USP3: variants seen among roughly 807,000 people sequenced by gnomAD.
The protein encoded by USP3 is ubiquitin carboxyl-terminal hydrolase 3.
Under a neutral mutation model 72.3 loss-of-function variants are expected in USP3, and 20 were observed. The ratio of observed to expected loss-of-function variants is 0.28; its 90% CI spans 0.19 to 0.40. USP3 has a LOEUF of 0.40. Among genes scored for constraint, USP3 ranks in the 10% least tolerant of loss-of-function variants. The probability of loss-of-function intolerance (pLI) is 1.00; values close to 1 mark genes in which losing one functional copy is unlikely to be tolerated. For missense variants in USP3, 479 were observed against 633.9 expected, an observed-to-expected ratio of 0.76 and a Z score of 2.62; for synonymous variants, 222 against 225.3, an observed-to-expected ratio of 0.99 and a Z score of 0.13.
Position 63,575,227 on chromosome 15 carries a change from TATTAAA to T in USP3, c.1096+831_1096+836del, listed in dbSNP as rs921459881. ...ATATGATAACCACGAGTCATGTAGCTATTAAAATTAAATTAATTAAAATTTAAAATT... is the reference window on the plus strand; with the variant it reads ...ATATGATAACCACGAGTCATGTAGCTATTAAATTAATTAAAATTTAAAATT... On this transcript the variant is annotated intron_variant, in intron 11 of 14. Transcript: ENST00000380324. Among the ~76,000 whole-genome samples the T allele has an allele frequency of 6.6e-5, 10 of 150,938 alleles. No individual in the cohort carries two copies. In the East Asian group the frequency reaches 1.8e-3, roughly 26 times the overall value.
At position 63,574,144 on chromosome 15, in the gene USP3, C is replaced by G; in HGVS notation, c.1007C>G (p.Pro336Arg). The G allele has an allele frequency of 6.3e-7, 1 of 1,586,604 alleles. No homozygotes were observed. The highest frequency in any genetic ancestry group is 8.6e-7 in the Non-Finnish European group (1 of 1,165,928). The change falls in exon 10 of 15, where the codon CCA (proline) becomes CGA (arginine). Residue 336 changes from proline to arginine, a missense_variant. By Grantham distance (103) the Pro-to-Arg change is moderately radical (BLOSUM62 -2). Transcript: ENST00000380324. The surrounding 1 kb of genome is among the most constrained non-coding windows in gnomAD (Gnocchi z 4.6). ...ICGTESRKFD[P>R]FLDLSLDIPS... Reference sequence around the variant, plus strand: ...GGGACAGAATCTAGAAAGTTTGATCCATTCCTAGGTAAGATATATGTGGCA... The same window carrying G: ...GGGACAGAATCTAGAAAGTTTGATCGATTCCTAGGTAAGATATATGTGGCA...
intron 5 of USP3, among the ~76,000 whole-genome samples, chr15:63,557,222 CA>C (rs2066526950): frequency 6.6e-6 from 1 of 152,116 alleles, no homozygotes. Flanking sequence ...AGGTGTACAC[CA>C]CCACGCCTGG....
intron 3 of USP3, among the ~76,000 whole-genome samples, chr15:63,546,348 A>G (rs1322963804): frequency 6.6e-6 from 1 of 152,214 alleles, no homozygotes; most frequent in African/African-American, 2.4e-5. Context: ...CATTTATTTC[A>G]AAGCAGGATA....
intron 1 of USP3, among the ~76,000 whole-genome samples, chr15:63,509,407 A>G (rs1435406348): frequency 6.6e-6 from 1 of 152,098 alleles, no homozygotes; most frequent in Non-Finnish European, 1.5e-5. Context: ...ACTAGCCCGC[A>G]CTCCCAGTAT....
rs2067248470 is a variant in USP3, at chr15:63,593,958, A to G, written c.*3132A>G. 1.3e-5 allele frequency: 2 copies of G among 152,246 alleles called. No individual in the cohort carries two copies. Among genetic ancestry groups the G allele is most frequent in the Non-Finnish European group, 2.9e-5 (2 of 68,056 alleles). 9.4% of individuals were successfully genotyped at this position (152,246 alleles called of 1,614,324 possible). A position where few individuals can be genotyped will look rare whatever the true frequency, so the allele number is the denominator to read the frequency against. On this transcript the variant is annotated 3_prime_UTR_variant, in exon 15 of 15. Coordinates refer to ENST00000380324, the MANE Select transcript of USP3 (RefSeq NM_006537.4). ...TTTGTGGCAACACAAATCTCTCTCC[A>G]TGGTGGAGAAACCTTTGCTTATCCA...
At chr15:63,560,378 T>C (rs1041601994) in intron 7 of USP3, among the ~76,000 whole-genome samples, 3 of 148,534 alleles carry the variant, frequency 2.0e-5, no homozygotes, top group Admixed American at 6.8e-5. Context: ...ATCGCGCCAC[T>C]GCCCTCCAGC....
Position 63,588,363 on chromosome 15 carries a change from C to T in USP3, c.1155C>T (p.Cys385=). 6.2e-7 allele frequency: 1 copy of T among 1,608,374 alleles called. No individual in the cohort carries two copies. The change falls in exon 12 of 15, where the codon TGC becomes TGT. Residue 385 remains cysteine (C), a synonymous_variant. Transcript: ENST00000380324. The surrounding 1 kb of genome is among the most constrained non-coding windows in gnomAD (Gnocchi z 4.6). The part of the protein sequence containing the change: ...EELDETELYM[C]HKCKKKQKST... ...TTGATGAGACAGAGTTATATATGTG[C>T]CATAAATGCAAAAAGAAACAAAAGT...
intron 3 of USP3, among the ~76,000 whole-genome samples, chr15:63,543,694 G>C (rs1015497861): frequency 6.6e-6 from 1 of 152,124 alleles, no homozygotes; most frequent in Non-Finnish European, 1.5e-5. Context: ...AGATAGTGAC[G>C]ATGATGTAAA....
At position 63,588,221 on chromosome 15, in the gene USP3, T is replaced by C; in HGVS notation, c.1097-84T>C. 9.2e-7 allele frequency: 1 copy of C among 1,084,540 alleles called. No individual in the cohort carries two copies. Among genetic ancestry groups the C allele is most frequent in the East Asian group, 2.5e-5 (1 of 40,492 alleles). The allele number at this position is 1,084,540 out of a possible 1,614,324, so 67.2% of individuals were successfully genotyped here. ...GGTCGTATAGCTAATAAAGCTGAGA[T>C]TTTAAACCTGGGTCTTTTTTCTACA... On this transcript the variant is annotated intron_variant, in intron 11 of 14. Coordinates refer to ENST00000380324, the MANE Select transcript of USP3 (RefSeq NM_006537.4). The surrounding 1 kb of genome is among the most constrained non-coding windows in gnomAD (Gnocchi z 4.6).
intron 6 of USP3, among the ~76,000 whole-genome samples, chr15:63,558,790 G>A (rs552574437): frequency 7.2e-5 from 11 of 152,254 alleles, no homozygotes; most frequent in East Asian, 3.9e-4. Context: ...CAGGAGAATC[G>A]CTTGAACCCA....
rs1344975433 is a variant in USP3 at position 63,529,820 on chromosome 15, T to C, written c.92-2827T>C. ...CAAAAATCCTCCATAATTAAAAAAA[T>C]ATCCTGGGTAGTTAAAAACTTGGGC... On this transcript the variant is annotated intron_variant, in intron 1 of 14. Transcript: ENST00000380324. This position sits in a 1 kb window ranked among gnomAD's most constrained non-coding sequence, Gnocchi z 4.2. 2.0e-5 allele frequency among the ~76,000 whole-genome samples: 3 copies of C among 152,168 alleles called. No individual in the cohort carries two copies. Among genetic ancestry groups the C allele is most frequent in the Non-Finnish European group, 4.4e-5 (3 of 68,024 alleles).
chr15:63,548,823 A>C (rs560472490), intron 3 of USP3, among the ~76,000 whole-genome samples: 1 of 152,192 alleles, frequency 6.6e-6, no homozygotes, highest in South Asian at 2.1e-4. Context: ...CCTCCTGAGT[A>C]GCTGGGATTA....
rs540005747 is a variant in USP3, at chr15:63,566,624, T to G, written c.761+3616T>G. ...CACCGTGCCTGGCCACGTGTGATAC[T>G]TTAATTAAAGTTTTATTTAACAATA... On this transcript the variant is annotated intron_variant, in intron 8 of 14. Transcript: ENST00000380324. 8.5e-5 allele frequency among the ~76,000 whole-genome samples: 13 copies of G among 152,350 alleles called. No individual in the cohort carries two copies. The East Asian group carries it at 2.3e-3, about 27-fold the overall frequency.
At chr15:63,562,796 G>T in intron 7 of USP3, 99 bp from the exon 8 acceptor site, 1 of 671,452 alleles carries the variant, frequency 1.5e-6, no homozygotes. Context: ...CTTTTTAAGT[G>T]TTCATTTCCT....
At chr15:63,519,037 T>G (rs1438680333) in intron 1 of USP3, among the ~76,000 whole-genome samples, 1 of 152,222 alleles carries the variant, frequency 6.6e-6, no homozygotes, top group Admixed American at 6.5e-5. Context: ...AGTGCTGGGA[T>G]TACAAGCGTG....
intron 3 of USP3, among the ~76,000 whole-genome samples, chr15:63,549,494 C>T (rs940935664): frequency 2.6e-5 from 4 of 152,094 alleles, no homozygotes; most frequent in African/African-American, 4.8e-5. Context: ...TCATATAAAT[C>T]GAAAATCAAC....
intron 1 of USP3, among the ~76,000 whole-genome samples, chr15:63,518,387 T>C (rs1252807809): frequency 6.6e-6 from 1 of 152,192 alleles, no homozygotes; most frequent in Non-Finnish European, 1.5e-5. Context: ...GTAATACTTT[T>C]ATTGGACTAG....
intron 14 of USP3, among the ~76,000 whole-genome samples, chr15:63,590,331 C>G (rs1263536091): frequency 6.6e-6 from 1 of 152,128 alleles, no homozygotes; most frequent in Non-Finnish European, 1.5e-5. Flanking sequence ...GGGTGCCCTT[C>G]TTTGTTAAGC....
In USP3 at chr15:63,504,682, CG is replaced by C; in HGVS notation, c.-57del. 2.1e-6 allele frequency: 3 copies of C among 1,448,608 alleles called. No homozygotes were observed. Among genetic ancestry groups the C allele is most frequent in the South Asian group, 2.6e-5 (2 of 77,056 alleles). The allele number at this position is 1,448,608 out of a possible 1,614,324, so 89.7% of individuals were successfully genotyped here. On this transcript the variant is annotated 5_prime_UTR_variant, in exon 1 of 15. Transcript: ENST00000380324. ...CCAGACGGAGCCTCCGGAGTTCCTC[CG>C]CCCCCACCTCGCCGGGTCCTGGAGC...
Sources: gnomAD v4.1 joint callset for allele counts (sites outside exome capture counted in the v4.1 genomes callset) on GRCh38, gnomAD v4.1.1 for gene constraint, Gnocchi (gnomAD v3.1) non-coding constraint, MANE v1.5 for transcripts, NCBI Gene and HGNC (gene_info 2026-07-23, HGNC 2026-07-21) for gene names.